Variants in STYXL1 observed in about 807,000 individuals in gnomAD.
STYXL1 encodes serine/threonine/tyrosine-interacting-like protein 1.
In STYXL1, 32 loss-of-function variants were observed where a neutral mutation model predicts 36.4. That is an observed-to-expected ratio of 0.88 (90% CI 0.66 to 1.18). The LOEUF (loss-of-function observed/expected upper bound fraction) is 1.18, where lower values mean the gene tolerates loss of function less well. Among genes scored for constraint, STYXL1 ranks in the 50% most tolerant of loss-of-function variants. STYXL1 has a pLI of 0.00. For missense variants in STYXL1, 354 were observed against 394.1 expected (o/e 0.90, Z 0.86); for synonymous variants, 133 against 144.1 (o/e 0.92, Z 0.55).
chr7:76,047,084 A>AC (rs1797219795), intron 1 of STYXL1, among the ~76,000 whole-genome samples: 1 of 73,596 alleles, frequency 1.4e-5, no homozygotes, highest in Non-Finnish European at 2.8e-5. Flanking sequence ...ACGTGGTGAA[A>AC]CCCCGTCTCT....
At chr7:76,010,743 C>T (rs1403553095) in intron 5 of STYXL1, among the ~76,000 whole-genome samples, 2 of 152,276 alleles carry the variant, frequency 1.3e-5, no homozygotes, top group East Asian at 1.9e-4. Flanking sequence ...AAGAGAGCAG[C>T]TGTCCTTAAA....
chr7:76,045,190 A>G (rs1182175911), intron 1 of STYXL1: 4 of 152,000 alleles, frequency 2.6e-5, no homozygotes, highest in Non-Finnish European at 5.9e-5. Flanking sequence ...ACAGACTGTT[A>G]CCCATTCTTC....
At chr7:75,999,538 T>TGTGTGTGTGA (rs1563456145) in intron 8 of STYXL1, among the ~76,000 whole-genome samples, 119 of 138,528 alleles carry the variant, frequency 8.6e-4, no homozygotes, top group African/African-American at 3.1e-3. Flanking sequence ...TGTGTGTGTG[T>TGTGTGTGTGA]GTGTGTGTGT....
At chr7:76,000,807 G>A in intron 8 of STYXL1, 83 bp downstream of exon 8, 1 of 1,235,372 alleles carries the variant, frequency 8.1e-7, no homozygotes, top group Non-Finnish European at 1.2e-6. Context: ...AGCAGTGCTG[G>A]GGCCCCACTC....
chr7:76,047,887 TCC>T lies in STYXL1; in HGVS notation c.-232_-231del. On this transcript the variant is annotated 5_prime_UTR_variant, in exon 1 of 9. Transcript: ENST00000359697. ...CCACCTCTTGGGTGCAGACTGGCCC[TCC>T]CACTCCGACCGCAGGTCCCCCACCG... 1.0e-5 allele frequency: 14 copies of T among 1,398,542 alleles called. No homozygotes were observed. Among genetic ancestry groups the T allele is most frequent in the Non-Finnish European group, 1.3e-5 (14 of 1,074,038 alleles). The allele number at this position is 1,398,542 out of a possible 1,614,324, so 86.6% of individuals were successfully genotyped here.
chr7:76,000,944 G>A lies in STYXL1; in HGVS notation c.756C>T (p.Arg252=), dbSNP rs782520453. The part of the protein sequence containing the change: ...ILIFSTQGIS[R]SCAAIIAYLM... ...GGTAGGCTATGATGGCGGCACAACT[G>A]CGGCTGATACCTTGGGTGGAAAAGA... Residue 252 remains arginine, a synonymous_variant, in exon 8 of 9, where the codon CGC becomes CGT. Coordinates refer to ENST00000359697, the MANE Select transcript of STYXL1 (RefSeq NM_001317785.2). 6.2e-7 allele frequency: 1 copy of A among 1,614,218 alleles called. No homozygotes were observed. Among genetic ancestry groups the A allele is most frequent in the South Asian group, 1.1e-5 (1 of 91,090 alleles).
chr7:75,999,511 ATGTGTGTGTGTGTG>A, intron 8 of STYXL1, among the ~76,000 whole-genome samples: 1 of 95,974 alleles, frequency 1.0e-5, no homozygotes, highest in Non-Finnish European at 2.0e-5. Flanking sequence ...GTGTGTGTGT[ATGTGTGTGTGTGTG>A]TGTGTGTGTG....
intron 5 of STYXL1, among the ~76,000 whole-genome samples, chr7:76,008,478 G>A (rs9649665): frequency 0.87 from 132,297 of 152,038 alleles, 57,757 homozygotes; most frequent in Non-Finnish European, 0.9. Flanking sequence ...CCTTCCCCAC[G>A]GCAGTGAACC....
At chr7:76,040,415 A>C (rs1330054055) in intron 1 of STYXL1, among the ~76,000 whole-genome samples, 1 of 152,178 alleles carries the variant, frequency 6.6e-6, no homozygotes, top group Non-Finnish European at 1.5e-5. Context: ...AGCGACTCTC[A>C]GCTCTTGGAA....
rs139503441 is a variant in STYXL1 at position 76,023,893 on chromosome 7, GT to G, written c.166-1902del. ...CCAGGTGTGGTGGCACACGCCTATA[GT>G]ACCAGCTACCAAAGAGGCTGAGGCA... On this transcript the variant is annotated intron_variant, in intron 3 of 8. Transcript: ENST00000359697. 5.5e-3 allele frequency among the ~76,000 whole-genome samples: 832 copies of G among 152,214 alleles called. 6 individuals carry two copies. The highest frequency in any genetic ancestry group is 0.02 in the African/African-American group (812 of 41,536).
At chr7:75,999,477 T>C (rs1224110829) in intron 8 of STYXL1, among the ~76,000 whole-genome samples, 2 of 148,316 alleles carry the variant, frequency 1.3e-5, no homozygotes, top group South Asian at 4.4e-4. Context: ...ATAGTTAAGA[T>C]GGTAATTTTT....
intron 4 of STYXL1, among the ~76,000 whole-genome samples, chr7:76,017,763 T>C (rs1793558861): frequency 6.7e-6 from 1 of 148,330 alleles, no homozygotes; most frequent in Non-Finnish European, 1.5e-5. Context: ...GGTGCGCACC[T>C]GTATTCCCAG....
At chr7:76,018,686 G>A (rs571207391) in intron 4 of STYXL1, among the ~76,000 whole-genome samples, 36 of 152,238 alleles carry the variant, frequency 2.4e-4, no homozygotes, top group African/African-American at 6.5e-4. Context: ...TAGCCACAGC[G>A]CCCAGCCCCA....
In STYXL1 at chr7:76,030,026, G is replaced by T. The variant is rs573195136; in HGVS notation, c.103+395C>A. Among the ~76,000 whole-genome samples, 5 of 151,764 alleles carry T rather than the reference G, an allele frequency of 3.3e-5. No homozygotes were observed. The South Asian group carries it at 1.0e-3, about 32-fold the overall frequency. On this transcript the variant is annotated intron_variant, in intron 2 of 8. Transcript: ENST00000359697. ...TTTTTTTTTTCTTTTTTGAGACAGG[G>T]TCTCACTCTGTCACCCAGGCTGGAA...
intron 1 of STYXL1, among the ~76,000 whole-genome samples, chr7:76,031,953 T>C (rs1383438725): frequency 6.6e-6 from 1 of 151,962 alleles, no homozygotes; most frequent in Middle Eastern, 3.2e-3. Context: ...GCAGAAAGAA[T>C]TGCAAGATGC....
intron 3 of STYXL1, among the ~76,000 whole-genome samples, chr7:76,025,487 G>A (rs906236662): frequency 1.3e-5 from 2 of 152,022 alleles, no homozygotes; most frequent in African/African-American, 4.8e-5. Context: ...GCCTGCAATG[G>A]GGATTAAGAG....
chr7:76,012,307 G>A (rs913083697), intron 5 of STYXL1, among the ~76,000 whole-genome samples: 1 of 152,036 alleles, frequency 6.6e-6, no homozygotes, highest in African/African-American at 2.4e-5. Flanking sequence ...ACAGGGTCTT[G>A]CTTCGTCAAC....
At chr7:76,034,555 G>C (rs1303710486) in intron 1 of STYXL1, among the ~76,000 whole-genome samples, 1 of 152,194 alleles carries the variant, frequency 6.6e-6, no homozygotes, top group Non-Finnish European at 1.5e-5. Flanking sequence ...CTGCATGGAA[G>C]AATGCCCCCG....
At chr7:76,040,604 C>T (rs782541409) in intron 1 of STYXL1, among the ~76,000 whole-genome samples, 13 of 151,958 alleles carry the variant, frequency 8.6e-5, no homozygotes, top group East Asian at 1.9e-4. Flanking sequence ...TTTGGGAGAC[C>T]GAGGCAGGAG....
Sources: allele counts gnomAD v4.1 joint callset (sites outside exome capture counted in the v4.1 genomes callset), GRCh38; gene constraint gnomAD v4.1.1; transcripts MANE v1.5; gene names NCBI Gene and HGNC (gene_info 2026-07-23, HGNC 2026-07-21).